RNLS: variants seen among roughly 807,000 people sequenced by gnomAD.
RNLS encodes the protein renalase, FAD dependent amine oxidase.
Under a neutral mutation model 39.8 loss-of-function variants are expected in RNLS, and 39 were observed. The ratio of observed to expected loss-of-function variants is 0.98; its 90% confidence interval spans 0.76 to 1.28. The LOEUF is 1.28. RNLS is among the 50% of genes most tolerant of loss of function. RNLS has a pLI of 0.00. For synonymous variants in RNLS, 147 were observed against 150.7 expected (o/e 0.98, Z 0.18); for missense variants, 410 against 413.3 (o/e 0.99, Z 0.07).
the RNLS span, among the ~76,000 whole-genome samples, chr10:88,226,419 A>G: frequency 1.3e-5 from 2 of 152,226 alleles, no homozygotes; most frequent in African/African-American, 4.8e-5. Flanking sequence ...TCCCAGCTCC[A>G]GCTGGGACTC....
intron 6 of RNLS, among the ~76,000 whole-genome samples, chr10:88,312,025 A>C (rs1049016073): frequency 6.6e-6 from 1 of 152,236 alleles, no homozygotes; most frequent in African/African-American, 2.4e-5. Flanking sequence ...GGATCCATCA[A>C]GGGATTTGGG....
At chr10:88,349,484 C>T (rs914225798) in intron 5 of RNLS, among the ~76,000 whole-genome samples, 1 of 152,060 alleles carries the variant, frequency 6.6e-6, no homozygotes, top group South Asian at 2.1e-4. Context: ...TTTTAAATAA[C>T]AGAGATGGAG....
intron 4 of RNLS, among the ~76,000 whole-genome samples, chr10:88,473,990 C>T (rs754980024): frequency 2.0e-5 from 3 of 152,150 alleles, no homozygotes; most frequent in Non-Finnish European, 4.4e-5. Context: ...TGGTTTCTTT[C>T]ATTAAATTTT....
At chr10:88,410,755 T>C (rs1853603964) in intron 4 of RNLS, among the ~76,000 whole-genome samples, 1 of 152,096 alleles carries the variant, frequency 6.6e-6, no homozygotes, top group Non-Finnish European at 1.5e-5. Context: ...TAAAACTAGG[T>C]GCTTGTATCT....
chr10:88,503,689 T>C (rs534104374), intron 4 of RNLS, among the ~76,000 whole-genome samples: 44 of 152,318 alleles, frequency 2.9e-4, no homozygotes, highest in African/African-American at 1.0e-3. Flanking sequence ...GCTTGAGGAC[T>C]GTGAATAAGA....
At chr10:88,447,974 C>A (rs1324417012) in intron 4 of RNLS, among the ~76,000 whole-genome samples, 1 of 152,122 alleles carries the variant, frequency 6.6e-6, no homozygotes, top group Non-Finnish European at 1.5e-5. Context: ...GCTATAACTG[C>A]ATCCTTTCCT....
intron 4 of RNLS, among the ~76,000 whole-genome samples, chr10:88,559,183 C>T (rs543901570): frequency 6.6e-6 from 1 of 152,180 alleles, no homozygotes; most frequent in Non-Finnish European, 1.5e-5. Context: ...AGTATTTTAT[C>T]ATTATATTCT....
chr10:88,423,978 G>T (rs1009446394), intron 4 of RNLS, among the ~76,000 whole-genome samples: 9 of 152,184 alleles, frequency 5.9e-5, no homozygotes, highest in Non-Finnish European at 1.0e-4. Flanking sequence ...AGGGACAAGT[G>T]TCCCTCTCAT....
At chr10:88,352,557 A>C (rs544175553) in intron 5 of RNLS, among the ~76,000 whole-genome samples, 1 of 152,294 alleles carries the variant, frequency 6.6e-6, no homozygotes, top group East Asian at 1.9e-4. Context: ...AGCTCACTTG[A>C]TCATGGTAGA....
At chr10:88,227,511 G>GAC in the RNLS span, among the ~76,000 whole-genome samples, 1 of 152,172 alleles carries the variant, frequency 6.6e-6, no homozygotes, top group African/African-American at 2.4e-5. Context: ...GCAGATGTGT[G>GAC]GCTCAAAGTT....
At position 88,403,585 on chromosome 10, in the gene RNLS, T is replaced by G. The variant is rs114507157; in HGVS notation, c.527-40860A>C. ...TGACAATTGCTGAATCTAGATTCAA[T>G]ATTCTGTAATTTCTATATTTGCACA... On this transcript the variant is annotated intron_variant, in intron 4 of 6. Transcript: ENST00000331772. 4.7e-3 allele frequency among the ~76,000 whole-genome samples: 713 copies of G among 152,200 alleles called. 5 individuals carry two copies. Among genetic ancestry groups the G allele is most frequent in the African/African-American group, 0.016 (677 of 41,560 alleles).
intron 4 of RNLS, among the ~76,000 whole-genome samples, chr10:88,381,993 T>C (rs1302359841): frequency 6.6e-6 from 1 of 152,138 alleles, no homozygotes; most frequent in Non-Finnish European, 1.5e-5. Context: ...CTTTCTTTCA[T>C]ATATATATCT....
downstream of RNLS, among the ~76,000 whole-genome samples, chr10:88,271,481 G>T (rs7915510): frequency 6.6e-6 from 1 of 152,150 alleles, no homozygotes; most frequent in South Asian, 2.1e-4. Flanking sequence ...ACTGCCCTCA[G>T]TGCAGCCAAG....
At chr10:88,436,317 A>G (rs1841407573) in intron 4 of RNLS, among the ~76,000 whole-genome samples, 2 of 152,140 alleles carry the variant, frequency 1.3e-5, no homozygotes, top group African/African-American at 4.8e-5. Flanking sequence ...GGTCAGCAAG[A>G]GACTCATCCG....
the RNLS span, among the ~76,000 whole-genome samples, chr10:88,173,547 G>A: frequency 2.0e-5 from 3 of 152,232 alleles, no homozygotes; most frequent in East Asian, 5.8e-4. Flanking sequence ...GATAAGGATT[G>A]CATTGAATTT....
the RNLS span, among the ~76,000 whole-genome samples, chr10:88,174,383 T>C: frequency 6.6e-6 from 1 of 152,150 alleles, no homozygotes; most frequent in Non-Finnish European, 1.5e-5. Flanking sequence ...TACAGTATAA[T>C]GTTAGCTGTG....
Position 88,498,941 on chromosome 10 carries a change from T to C in RNLS, c.526+73962A>G, listed in dbSNP as rs551395002. Reference sequence around the variant, plus strand: ...ACAAACTAAAACAACTCATGAACTTTGATTAGATCTTGGTTCAGGGAATAA... The same window carrying C: ...ACAAACTAAAACAACTCATGAACTTCGATTAGATCTTGGTTCAGGGAATAA... On this transcript the variant is annotated intron_variant, in intron 4 of 6. Coordinates refer to ENST00000331772, the MANE Select transcript of RNLS (RefSeq NM_001031709.3). 5.9e-4 allele frequency among the ~76,000 whole-genome samples: 90 copies of C among 152,274 alleles called. 1 individual carries two copies. The highest frequency in any genetic ancestry group is 2.0e-3 in the African/African-American group (83 of 41,562).
At chr10:88,398,892 G>A (rs1356039083) in intron 4 of RNLS, among the ~76,000 whole-genome samples, 1 of 151,878 alleles carries the variant, frequency 6.6e-6, no homozygotes, top group Admixed American at 6.6e-5. Flanking sequence ...ATATCCAATA[G>A]GGAACTTCTA....
At chr10:88,297,164 T>TG (rs1203832464) in intron 6 of RNLS, among the ~76,000 whole-genome samples, 1 of 151,930 alleles carries the variant, frequency 6.6e-6, no homozygotes, top group Non-Finnish European at 1.5e-5. Context: ...TCTCTAAGAG[T>TG]GGGGTTGCTG....
Sources: gnomAD v4.1 joint callset for allele counts (sites outside exome capture counted in the v4.1 genomes callset) on GRCh38, gnomAD v4.1.1 for gene constraint, MANE v1.5 for transcripts, NCBI Gene and HGNC (gene_info 2026-07-23, HGNC 2026-07-21) for gene names.